MS4A14: variants seen among roughly 807,000 people sequenced by gnomAD.
MS4A14 encodes membrane-spanning 4-domains subfamily A member 14.
Under a neutral mutation model 16.7 loss-of-function variants are expected in MS4A14, and 18 were observed. The observed-to-expected ratio is 1.08, with a 90% CI of 0.75 to 1.60. The LOEUF is 1.60. Among genes scored for constraint, MS4A14 ranks in the 40% most tolerant of loss-of-function variants. MS4A14 has a pLI of 0.00. For synonymous variants in MS4A14, 305 were observed against 289.4 expected (o/e 1.05, Z -0.55); for missense variants, 812 against 775.3 (o/e 1.05, Z -0.56).
intron 4 of MS4A14, among the ~76,000 whole-genome samples, chr11:60,409,802 C>A (rs746291052): frequency 1.7e-4 from 25 of 149,304 alleles, no homozygotes; most frequent in Non-Finnish European, 3.3e-4. Flanking sequence ...TTCCTTCTTT[C>A]CTTCTTTCTT....
chr11:60,402,372 C>T (rs192702503), intron 3 of MS4A14, among the ~76,000 whole-genome samples: 1 of 152,252 alleles, frequency 6.6e-6, no homozygotes, highest in Non-Finnish European at 1.5e-5. Context: ...TGCAGGATGT[C>T]ACCTCTTTTG....
intron 4 of MS4A14, 184 bp downstream of exon 4, chr11:60,403,245 T>A: frequency 1.6e-6 from 1 of 615,424 alleles, no homozygotes; most frequent in Non-Finnish European, 2.8e-6. Flanking sequence ...TGGACTTGAA[T>A]CCTGTTCACA....
chr11:60,397,165 G>A (rs1310514547), intron 1 of MS4A14, among the ~76,000 whole-genome samples: 1 of 152,140 alleles, frequency 6.6e-6, no homozygotes, highest in Non-Finnish European at 1.5e-5. Flanking sequence ...ATCATTACTT[G>A]GTGTGCCACA....
chr11:60,403,082 T>G (rs369170569), intron 4 of MS4A14, 21 bp downstream of exon 4: 1 of 1,610,424 alleles, frequency 6.2e-7, no homozygotes. Context: ...TTATTTTGCA[T>G]GAAGAATCCC....
In MS4A14 at chr11:60,401,823, T is replaced by C. The variant is rs371383135; in HGVS notation, c.319-1089T>C. ...AGGGGACTAAAGACCAAGAGAGAGA[T>C]GGCCTATCTATATGTTCCTGTGCAT... is the stretch of plus-strand genomic sequence containing the variant. On this transcript the variant is annotated intron_variant, in intron 3 of 4. Coordinates refer to ENST00000300187, the MANE Select transcript of MS4A14 (RefSeq NM_032597.5). Among the ~76,000 whole-genome samples, 19 of 152,292 alleles carry C rather than the reference T, an allele frequency of 1.2e-4. No homozygotes were observed. The East Asian group carries it at 3.3e-3, about 26-fold the overall frequency.
In MS4A14 at chr11:60,416,015, T is replaced by C. The variant is rs370940283; in HGVS notation, c.1047T>C (p.Asn349=). The stretch of plus-strand genomic sequence containing the variant: ...CATCCCATGTCAAACAGTCTTCTAA[T>C]CTGACAGCTAATGACCTGCCCCCTC... ...STSSHVKQSS[N]LTANDLPPQG... is the part of the protein sequence containing the mutation. Residue 349 remains asparagine, a synonymous_variant, in exon 5 of 5, where the codon AAT becomes AAC. Transcript: ENST00000300187. 467 of 1,613,900 alleles carry C rather than the reference T, an allele frequency of 2.9e-4. 6 individuals carry two copies. The South Asian group carries it at 4.9e-3, about 17-fold the overall frequency.
At chr11:60,397,362 T>C (rs892342293) in intron 1 of MS4A14, among the ~76,000 whole-genome samples, 7 of 152,124 alleles carry the variant, frequency 4.6e-5, no homozygotes, top group Admixed American at 2.6e-4. Context: ...TTCTCCACTC[T>C]ATGTCATCAA....
chr11:60,415,717 C>G lies in MS4A14; in HGVS notation c.749C>G (p.Pro250Arg), dbSNP rs780652464. ...SPKFSEEEIE[P>R]LPPTLEKKPS... ...AAATTTTCAGAGGAAGAAATTGAAC[C>G]TTTGCCTCCCACACTAGAGAAAAAG... is the stretch of plus-strand genomic sequence containing the variant. Residue 250 changes from proline to arginine, a missense_variant, in exon 5 of 5, where the codon CCT becomes CGT. Coordinates refer to ENST00000300187, the MANE Select transcript of MS4A14 (RefSeq NM_032597.5). 2 of 1,613,876 alleles carry G rather than the reference C, an allele frequency of 1.2e-6. No homozygotes were observed. The highest frequency in any genetic ancestry group is 1.7e-6 in the Non-Finnish European group (2 of 1,179,868).
Position 60,416,784 on chromosome 11 carries a change from AC to A in MS4A14, c.1817del (p.Thr606MetfsTer72). ...AAAGAAGCAAACCCAGGATCAGCAA[AC>A]TGAAGACCAGCCGGCCCAAGAGAAG... The part of the protein sequence containing the change: ...NSKKQTQDQQ[T>X]EDQPAQEKKS... On this transcript the variant is annotated frameshift_variant, in exon 5 of 5. Transcript: ENST00000300187. LOFTEE classifies it low-confidence loss of function (END_TRUNC). 6.2e-7 allele frequency: 1 copy of A among 1,613,636 alleles called. No individual in the cohort carries two copies. The highest frequency in any genetic ancestry group is 1.1e-5 in the South Asian group (1 of 91,058).
intron 4 of MS4A14, among the ~76,000 whole-genome samples, chr11:60,408,718 A>G (rs1044605560): frequency 1.3e-5 from 2 of 152,222 alleles, no homozygotes; most frequent in Admixed American, 1.3e-4. Context: ...TGATGGACAC[A>G]GATATTTCTG....
At position 60,400,388 on chromosome 11, in the gene MS4A14, CTT is replaced by C. The variant is rs1274279645; in HGVS notation, c.268-15_268-14del. ...ACACATCACCTGTTAACTTTTGTCT[CTT>C]GTCTTCTTAACAGTTTATTCTTACA... On this transcript the variant is annotated splice_polypyrimidine_tract_variant and intron_variant, in intron 2 of 4. Transcript: ENST00000300187. 1 of 1,580,742 alleles carries C rather than the reference CTT, an allele frequency of 6.3e-7. No individual in the cohort carries two copies. The highest frequency in any genetic ancestry group is 1.3e-5 in the African/African-American group (1 of 74,116).
At chr11:60,399,559 T>C (rs1646980717) in intron 2 of MS4A14, among the ~76,000 whole-genome samples, 1 of 152,198 alleles carries the variant, frequency 6.6e-6, no homozygotes, top group African/African-American at 2.4e-5. Flanking sequence ...TGAAGACTTG[T>C]TGAAGTATCA....
chr11:60,413,799 G>A (rs1369308207), intron 4 of MS4A14, among the ~76,000 whole-genome samples: 1 of 152,044 alleles, frequency 6.6e-6, no homozygotes, highest in Non-Finnish European at 1.5e-5. Flanking sequence ...ATTTCTCTGT[G>A]CCAGTTTCTG....
rs1401775944 is a variant in MS4A14 at position 60,416,742 on chromosome 11, G to C, written c.1774G>C (p.Asp592His). ...TGGACAAGTTAAAGACCAGCAGACT[G>C]ATAAGGAGCAAAACTCAAAGAAGCA... ...KDGQVKDQQT[D>H]KEQNSKKQTQ... Residue 592 changes from aspartate (D) to histidine (H), a missense_variant, in exon 5 of 5, where the codon GAT (aspartate) becomes CAT (histidine). Transcript: ENST00000300187. 6.2e-7 allele frequency: 1 copy of C among 1,613,628 alleles called. No individual in the cohort carries two copies. Among genetic ancestry groups the C allele is most frequent in the East Asian group, 2.2e-5 (1 of 44,774 alleles).
At chr11:60,399,367 C>T (rs1472588039) in intron 2 of MS4A14, among the ~76,000 whole-genome samples, 1 of 152,102 alleles carries the variant, frequency 6.6e-6, no homozygotes, top group Admixed American at 6.5e-5. Flanking sequence ...GAGCCAAGGG[C>T]TTGATGTGGG....
chr11:60,416,339 T>C lies in MS4A14; in HGVS notation c.1371T>C (p.Tyr457=), dbSNP rs1173511305. The C allele has an allele frequency of 3.1e-6, 5 of 1,613,756 alleles. No individual in the cohort carries two copies. The highest frequency in any genetic ancestry group is 4.2e-6 in the Non-Finnish European group (5 of 1,179,944). ...ACCAGCAAATTTTACAAATGTCATA[T>C]CAAGATATTAGATCAGAAGTTATGG... ...PQNQQILQMS[Y]QDIRSEVMEE... is the part of the protein sequence containing the mutation. Residue 457 remains tyrosine (Y), a synonymous_variant, in exon 5 of 5, where the codon TAT becomes TAC. Transcript: ENST00000300187.
Position 60,413,733 on chromosome 11 carries a change from A to G in MS4A14, c.469-1704A>G, listed in dbSNP as rs191071898. On this transcript the variant is annotated intron_variant, in intron 4 of 4. Coordinates refer to ENST00000300187, the MANE Select transcript of MS4A14 (RefSeq NM_032597.5). Reference sequence around the variant, plus strand: ...ACAGGGGATTCAAAAATAATAAAATATGTACCTTGATCTCAAGAAAAGGAA... The same window carrying G: ...ACAGGGGATTCAAAAATAATAAAATGTGTACCTTGATCTCAAGAAAAGGAA... Among the ~76,000 whole-genome samples, 7 of 152,238 alleles carry G rather than the reference A, an allele frequency of 4.6e-5. No homozygotes were observed. The East Asian group carries it at 7.7e-4, about 17-fold the overall frequency.
intron 3 of MS4A14, among the ~76,000 whole-genome samples, chr11:60,400,719 G>T (rs1025817968): frequency 6.6e-6 from 1 of 152,096 alleles, no homozygotes; most frequent in African/African-American, 2.4e-5. Flanking sequence ...GTAATTAGGG[G>T]TAATTCCCTG....
At position 60,416,966 on chromosome 11, in the gene MS4A14, C is replaced by T. The variant is rs1318162527; in HGVS notation, c.1998C>T (p.Pro666=). Residue 666 remains proline, a synonymous_variant, in exon 5 of 5, where the codon CCC becomes CCT. Coordinates refer to ENST00000300187, the MANE Select transcript of MS4A14 (RefSeq NM_032597.5). ...AAGGCAATCTCCAGGCTGGACAACC[C>T]AGGACTGTCAATCTTTTGGCCAAGA... ...FHKGNLQAGQ[P]RTVNLLAKNP... is the part of the protein sequence containing the mutation. The T allele has an allele frequency of 1.2e-6, 2 of 1,613,240 alleles. No homozygotes were observed.
Sources: gnomAD v4.1 joint callset for allele counts (sites outside exome capture counted in the v4.1 genomes callset) on GRCh38, gnomAD v4.1.1 for gene constraint, MANE v1.5 for transcripts, NCBI Gene and HGNC (gene_info 2026-07-23, HGNC 2026-07-21) for gene names.